Variants in ADAMTS19 observed in about 807,000 individuals in gnomAD.
The protein encoded by ADAMTS19 is A disintegrin and metalloproteinase with thrombospondin motifs 19.
In ADAMTS19, 93 loss-of-function variants were observed where a neutral mutation model predicts 153.3. The observed-to-expected ratio is 0.61, with a 90% CI of 0.51 to 0.72. ADAMTS19 has a LOEUF of 0.72. Ranked by LOEUF, ADAMTS19 falls within the 30% of genes least tolerant of loss-of-function variation. ADAMTS19 has a pLI of 0.00. For synonymous variants in ADAMTS19, 600 were observed against 556.6 expected (o/e 1.08, Z -1.10); for missense variants, 1,482 against 1,552.1 (o/e 0.95, Z 0.76).
intron 19 of ADAMTS19, among the ~76,000 whole-genome samples, chr5:129,696,162 T>A (rs1581235655): frequency 1.3e-5 from 2 of 152,328 alleles, no homozygotes; most frequent in Non-Finnish European, 1.5e-5. Flanking sequence ...AATCTAGCCA[T>A]GCTATGTTAA....
At chr5:129,527,854 A>G in intron 5 of ADAMTS19, 23 bp downstream of exon 5, 1 of 1,416,198 alleles carries the variant, frequency 7.1e-7, no homozygotes, top group Non-Finnish European at 9.9e-7. Flanking sequence ...TGAGTTTTTT[A>G]TTAAATTAAA....
chr5:129,472,569 C>G (rs1750101848), intron 2 of ADAMTS19, among the ~76,000 whole-genome samples: 3 of 152,022 alleles, frequency 2.0e-5, no homozygotes, highest in Non-Finnish European at 1.5e-5. Flanking sequence ...GAAGATAACA[C>G]AATGGAACGT....
At chr5:129,685,433 A>G (rs1047221728) in intron 18 of ADAMTS19, among the ~76,000 whole-genome samples, 2 of 152,104 alleles carry the variant, frequency 1.3e-5, no homozygotes, top group African/African-American at 4.8e-5. Flanking sequence ...GTATTAGAAG[A>G]AGGAGGGAAT....
intron 8 of ADAMTS19, among the ~76,000 whole-genome samples, chr5:129,598,804 G>C (rs1750506879): frequency 6.6e-6 from 1 of 152,108 alleles, no homozygotes; most frequent in Non-Finnish European, 1.5e-5. Context: ...CCAGGGGATT[G>C]GTTCCTGGAC....
chr5:129,685,615 G>A (rs544382853), intron 18 of ADAMTS19, among the ~76,000 whole-genome samples: 2 of 152,226 alleles, frequency 1.3e-5, no homozygotes, highest in South Asian at 2.1e-4. Context: ...AAGACTGTGT[G>A]GATGGATTCC....
chr5:129,557,972 T>A (rs1254115738), intron 7 of ADAMTS19, among the ~76,000 whole-genome samples: 2 of 152,186 alleles, frequency 1.3e-5, no homozygotes, highest in East Asian at 3.9e-4. Flanking sequence ...AAAATGTAAC[T>A]ATATATTCCA....
intron 7 of ADAMTS19, among the ~76,000 whole-genome samples, chr5:129,575,327 T>C (rs1197135414): frequency 6.6e-6 from 1 of 152,104 alleles, no homozygotes; most frequent in South Asian, 2.1e-4. Flanking sequence ...TTTTTAATTG[T>C]CCCTATTTAA....
At chr5:129,725,860 A>C (rs558949313) in intron 21 of ADAMTS19, among the ~76,000 whole-genome samples, 1 of 152,130 alleles carries the variant, frequency 6.6e-6, no homozygotes, top group Non-Finnish European at 1.5e-5. Flanking sequence ...TTAGAATTTT[A>C]TTGTTGGTTT....
rs923754868 is a variant in ADAMTS19 at position 129,546,603 on chromosome 5, CAAT to C, written c.1329-5258_1329-5256del. Among the ~76,000 whole-genome samples, 32 of 150,618 alleles carry C rather than the reference CAAT, an allele frequency of 2.1e-4. 4 individuals carry two copies. The highest frequency in any genetic ancestry group is 7.2e-4 in the African/African-American group (29 of 40,188). On this transcript the variant is annotated intron_variant, in intron 6 of 22. Transcript: ENST00000274487. ...ATGGTATCTTCAGTGTGTTGAGAGT[CAAT>C]AAAGTTGACTTTATAACAACTCAGT...
intron 2 of ADAMTS19, among the ~76,000 whole-genome samples, chr5:129,486,299 T>C (rs1750590076): frequency 6.6e-6 from 1 of 152,150 alleles, no homozygotes; most frequent in Admixed American, 6.5e-5. Flanking sequence ...AAAATCTACA[T>C]TATAATTCTA....
Position 129,730,509 on chromosome 5 carries a change from A to G in ADAMTS19, c.3313-4423A>G, listed in dbSNP as rs142314373. ...AACAGAAATATAGGCTTCATTATTG[A>G]ACATGACATACAAACAACTCTAACA... On this transcript the variant is annotated intron_variant, in intron 21 of 22. Coordinates refer to ENST00000274487, the MANE Select transcript of ADAMTS19 (RefSeq NM_133638.6). Among the ~76,000 whole-genome samples, 384 of 152,292 alleles carry G rather than the reference A, an allele frequency of 2.5e-3. 1 individual carries two copies. Among genetic ancestry groups the G allele is most frequent in the African/African-American group, 8.9e-3 (371 of 41,580 alleles).
intron 3 of ADAMTS19, among the ~76,000 whole-genome samples, chr5:129,518,508 A>G (rs981172652): frequency 2.6e-5 from 4 of 152,154 alleles, no homozygotes; most frequent in Non-Finnish European, 1.5e-5. Context: ...TCAGCACAGT[A>G]CATGACACGC....
chr5:129,708,703 T>C (rs1756291620), intron 21 of ADAMTS19, among the ~76,000 whole-genome samples: 1 of 151,944 alleles, frequency 6.6e-6, no homozygotes, highest in Non-Finnish European at 1.5e-5. Flanking sequence ...TAACAAGTGA[T>C]TTAAACTTAT....
intron 7 of ADAMTS19, among the ~76,000 whole-genome samples, chr5:129,578,553 G>A (rs902622431): frequency 2.6e-5 from 4 of 151,714 alleles, no homozygotes; most frequent in Non-Finnish European, 5.9e-5. Context: ...CCATTAACCC[G>A]TCATCTATGT....
Position 129,679,802 on chromosome 5 carries a change from T to C in ADAMTS19, c.2545T>C (p.Trp849Arg). 1 of 1,613,884 alleles carries C rather than the reference T, an allele frequency of 6.2e-7. No individual in the cohort carries two copies. The highest frequency in any genetic ancestry group is 8.5e-7 in the Non-Finnish European group (1 of 1,179,830). ...TGGCAAACAGTCTATTAATAGTGACTGGAAGATTGAACACTCTGGAGCCTT... is the reference window on the plus strand; with the variant it reads ...TGGCAAACAGTCTATTAATAGTGACCGGAAGATTGAACACTCTGGAGCCTT... ...DAGKQSINSDWKIEHSGAFNL... is the reference protein window; with the variant it reads ...DAGKQSINSDRKIEHSGAFNL... Residue 849 changes from tryptophan to arginine, a missense_variant, in exon 17 of 23, where the codon TGG becomes CGG. Around this residue, in one of 2 missense-constraint regions of ADAMTS19, gnomAD observed 616 missense variants for 724.4 expected, o/e 0.85. Coordinates refer to ENST00000274487, the MANE Select transcript of ADAMTS19 (RefSeq NM_133638.6).
chr5:129,555,395 A>C (rs1753279093), intron 7 of ADAMTS19, among the ~76,000 whole-genome samples: 2 of 152,100 alleles, frequency 1.3e-5, no homozygotes, highest in African/African-American at 2.4e-5. Flanking sequence ...AATTCCCTCA[A>C]AATCTGAACT....
intron 18 of ADAMTS19, among the ~76,000 whole-genome samples, chr5:129,691,842 T>C (rs1185658320): frequency 6.6e-6 from 1 of 152,196 alleles, no homozygotes; most frequent in Non-Finnish European, 1.5e-5. Flanking sequence ...AAAAATTTCT[T>C]TTTCAGTATC....
rs1749652884 is a variant in ADAMTS19, at chr5:129,461,437, C to G, written c.427C>G (p.Pro143Ala). ...SGAAALSPGA[P>A]ASWQPPPPPQ... ...GGCTGCCGCCTTGTCCCCGGGCGCC[C>G]CGGCCTCGTGGCAGCCGCCGCCTCC... Residue 143 changes from proline to alanine, a missense_variant, in exon 2 of 23, where the codon CCG becomes GCG. Pro to Ala is a conservative substitution (Grantham distance 27). Transcript: ENST00000274487. The surrounding 1 kb of genome is among the most constrained non-coding windows in gnomAD (Gnocchi z 4.6). 2.1e-6 allele frequency: 3 copies of G among 1,423,654 alleles called. No individual in the cohort carries two copies. The highest frequency in any genetic ancestry group is 2.7e-6 in the Non-Finnish European group (3 of 1,100,078). 88.2% of individuals were successfully genotyped at this position (1,423,654 alleles called of 1,614,324 possible).
At chr5:129,558,244 A>G (rs189077227) in intron 7 of ADAMTS19, among the ~76,000 whole-genome samples, 6 of 152,256 alleles carry the variant, frequency 3.9e-5, no homozygotes, top group Admixed American at 3.9e-4. Flanking sequence ...AGGCATTACA[A>G]TAAACTAGAT....
Sources: gnomAD v4.1 joint callset for allele counts (sites outside exome capture counted in the v4.1 genomes callset) on GRCh38, gnomAD v4.1.1 for gene constraint, gnomAD v4.1.1 regional missense constraint, Gnocchi (gnomAD v3.1) non-coding constraint, MANE v1.5 for transcripts, NCBI Gene and HGNC (gene_info 2026-07-23, HGNC 2026-07-21) for gene names.